The following MGAT4C variants were observed in gnomAD, a reference collection of about 807,000 sequenced individuals.
MGAT4C encodes the protein MGAT4 family member C.
In MGAT4C, 19 loss-of-function variants were observed where a neutral mutation model predicts 40.1. The observed-to-expected ratio is 0.47, with a 90% CI of 0.33 to 0.70. The LOEUF is 0.70. Ranked by LOEUF, MGAT4C falls within the 30% of genes least tolerant of loss-of-function variation. The probability of loss-of-function intolerance (pLI) is 0.02; values close to 1 mark genes in which losing one functional copy is unlikely to be tolerated. For synonymous variants in MGAT4C, 181 were observed against 187.1 expected, an observed-to-expected ratio of 0.97 and a Z score of 0.27; for missense variants, 491 against 563.2, an observed-to-expected ratio of 0.87 and a Z score of 1.30.
chr12:85,989,314 A>T, intron 3 of MGAT4C, 86 bp downstream of exon 3: 1 of 1,282,774 alleles, frequency 7.8e-7, no homozygotes, highest in Non-Finnish European at 1.0e-6. Context: ...CAATAGCTTG[A>T]GATTGAAGTT....
intron 4 of MGAT4C, chr12:86,333,927 T>C (rs1954728986): frequency 6.6e-6 from 1 of 152,192 alleles, no homozygotes; most frequent in African/African-American, 2.4e-5. Flanking sequence ...ATTCTCACTT[T>C]CTGTATTCCT....
intron 2 of MGAT4C, among the ~76,000 whole-genome samples, chr12:86,540,736 C>T (rs759099234): frequency 8.0e-5 from 12 of 149,136 alleles, no homozygotes; most frequent in Non-Finnish European, 1.5e-4. Context: ...ACTCCATCTC[C>T]AGAAAGAGAG....
At chr12:86,094,435 T>A (rs1409135585) in intron 1 of MGAT4C, among the ~76,000 whole-genome samples, 1 of 152,168 alleles carries the variant, frequency 6.6e-6, no homozygotes, top group African/African-American at 2.4e-5. Flanking sequence ...GTAAATGCCA[T>A]GTATATGTTA....
At chr12:86,182,132 G>C (rs928239496) in intron 1 of MGAT4C, among the ~76,000 whole-genome samples, 14 of 151,792 alleles carry the variant, frequency 9.2e-5, no homozygotes, top group African/African-American at 3.1e-4. Context: ...CATCCTCTTG[G>C]ACATTGAATA....
intron 3 of MGAT4C, among the ~76,000 whole-genome samples, chr12:86,423,424 A>G (rs1240263133): frequency 2.0e-5 from 3 of 151,974 alleles, no homozygotes; most frequent in Admixed American, 6.6e-5. Context: ...AACATAAGGT[A>G]ATGATAGTGT....
chr12:86,148,546 C>T (rs759306906), intron 1 of MGAT4C, among the ~76,000 whole-genome samples: 1 of 152,150 alleles, frequency 6.6e-6, no homozygotes, highest in Admixed American at 6.5e-5. Context: ...CAAATTTTCT[C>T]ATGCCAATTA....
intron 1 of MGAT4C, among the ~76,000 whole-genome samples, chr12:86,115,500 A>C (rs1046511174): frequency 3.3e-5 from 5 of 152,074 alleles, no homozygotes; most frequent in African/African-American, 1.2e-4. Flanking sequence ...TTTGTATGAA[A>C]ATAAGATGTT....
intron 1 of MGAT4C, among the ~76,000 whole-genome samples, chr12:86,208,968 T>C (rs930317986): frequency 6.6e-6 from 1 of 152,198 alleles, no homozygotes; most frequent in East Asian, 1.9e-4. Context: ...AAAATGATTC[T>C]CAATTTTTCA....
intron 1 of MGAT4C, among the ~76,000 whole-genome samples, chr12:86,100,750 T>C (rs552033447): frequency 3.3e-5 from 5 of 151,686 alleles, no homozygotes; most frequent in African/African-American, 1.2e-4. Context: ...AACAATACTG[T>C]CACTTCCAGA....
At chr12:86,687,578 C>T (rs539198797) in intron 2 of MGAT4C, among the ~76,000 whole-genome samples, 1 of 152,220 alleles carries the variant, frequency 6.6e-6, no homozygotes, top group African/African-American at 2.4e-5. Flanking sequence ...TTATTTCTGA[C>T]TTTATTTTGT....
chr12:86,363,961 C>G (rs1223649650), intron 3 of MGAT4C, among the ~76,000 whole-genome samples: 2 of 71,634 alleles, frequency 2.8e-5, no homozygotes, highest in African/African-American at 8.5e-5. Flanking sequence ...CTCACTCTCT[C>G]TCTCTCTCTC....
intron 2 of MGAT4C, among the ~76,000 whole-genome samples, chr12:86,528,697 A>G (rs892642820): frequency 1.3e-5 from 2 of 152,106 alleles, no homozygotes; most frequent in African/African-American, 4.8e-5. Context: ...ATATAATCAT[A>G]AGTCCTTCAC....
chr12:86,581,628 T>C (rs10745424), intron 2 of MGAT4C, among the ~76,000 whole-genome samples: 128,810 of 151,358 alleles, frequency 0.85, 55,348 homozygotes, highest in South Asian at 0.96. Flanking sequence ...TACATCTTCA[T>C]TTTAGTCAAG....
chr12:86,526,221 G>T (rs1322321712), intron 2 of MGAT4C, among the ~76,000 whole-genome samples: 6 of 152,092 alleles, frequency 3.9e-5, no homozygotes, highest in African/African-American at 7.2e-5. Context: ...CAAGGGCAGG[G>T]TGCTGGCAGG....
intron 2 of MGAT4C, among the ~76,000 whole-genome samples, chr12:86,536,928 T>C (rs1017680322): frequency 1.3e-5 from 2 of 152,214 alleles, no homozygotes; most frequent in African/African-American, 2.4e-5. Flanking sequence ...TATATGTTTA[T>C]TGAGGCACTA....
rs185633184 is a variant in MGAT4C at position 86,045,544 on chromosome 12, A to G, written c.-7+4130T>C. ...GAGAGAAATACTTTAAGCATTTTCC[A>G]TTCTGTTAGAAAAAGAAAACACAAA... On this transcript the variant is annotated intron_variant, in intron 2 of 4. Coordinates refer to ENST00000611864, the MANE Select transcript of MGAT4C (RefSeq NM_001351288.2). 7.1e-3 allele frequency among the ~76,000 whole-genome samples: 1,084 copies of G among 152,298 alleles called. 13 individuals carry two copies. The highest frequency in any genetic ancestry group is 0.024 in the African/African-American group (1,008 of 41,558).
chr12:86,496,888 A>T (rs1958245487), intron 2 of MGAT4C, among the ~76,000 whole-genome samples: 1 of 152,014 alleles, frequency 6.6e-6, no homozygotes, highest in Admixed American at 6.6e-5. Context: ...CCTACTACCT[A>T]TATGGGTCTC....
chr12:86,286,529 C>A lies in MGAT4C; in HGVS notation c.-57+47536G>T, dbSNP rs1353625371. On this transcript the variant is annotated intron_variant, in intron 4 of 7. Coordinates refer to the MGAT4C transcript ENST00000548651. ...AAATGAATATTCATTAGGCATGAAACCTTTAAAATTGAATATTCATGACAG... is the reference window on the plus strand; with the variant it reads ...AAATGAATATTCATTAGGCATGAAAACTTTAAAATTGAATATTCATGACAG... Among the ~76,000 whole-genome samples, 7 of 152,050 alleles carry A rather than the reference C, an allele frequency of 4.6e-5. No homozygotes were observed. The South Asian group carries it at 1.4e-3, about 31-fold the overall frequency.
intron 1 of MGAT4C, among the ~76,000 whole-genome samples, chr12:86,164,193 G>T (rs1593117567): frequency 6.6e-6 from 1 of 152,140 alleles, no homozygotes; most frequent in East Asian, 1.9e-4. Context: ...GCTTTTAAAA[G>T]GTAGCTGTGT....
Sources: allele counts gnomAD v4.1 joint callset (sites outside exome capture counted in the v4.1 genomes callset), GRCh38; gene constraint gnomAD v4.1.1; transcripts MANE v1.5; gene names NCBI Gene and HGNC (gene_info 2026-07-23, HGNC 2026-07-21).